ZCCHC2: variants seen among roughly 807,000 people sequenced by gnomAD.
ZCCHC2 encodes the protein zinc finger CCHC-type containing 2.
A neutral mutation model predicts 103.6 loss-of-function variants in ZCCHC2; 39 were observed. That is an observed-to-expected ratio of 0.38 (90% CI 0.29 to 0.49). The LOEUF (loss-of-function observed/expected upper bound fraction) is 0.49, where lower values mean the gene tolerates loss of function less well. ZCCHC2 is among the 20% of genes least tolerant of loss of function. The pLI is 0.96. For synonymous variants in ZCCHC2, 687 were observed against 608.9 expected, an observed-to-expected ratio of 1.13 and a Z score of -1.89; for missense variants, 1,483 against 1,491.0, an observed-to-expected ratio of 0.99 and a Z score of 0.09.
downstream of ZCCHC2, among the ~76,000 whole-genome samples, chr18:62,582,838 C>T (rs1172711737): frequency 6.6e-6 from 1 of 152,182 alleles, no homozygotes; most frequent in Non-Finnish European, 1.5e-5. Context: ...CAGTGGCTCA[C>T]ACCTGTAATC....
At chr18:62,578,662 A>G (rs902643319), downstream of ZCCHC2, 4 of 152,458 alleles carry the variant, frequency 2.6e-5, no homozygotes, top group African/African-American at 4.8e-5. Flanking sequence ...AGTTTTATTT[A>G]GGTATGTAAT....
chr18:62,558,655 A>G lies in ZCCHC2; in HGVS notation c.1409-32A>G, dbSNP rs752388365. On this transcript the variant is annotated intron_variant, in intron 6 of 13. Transcript: ENST00000269499. ...TTGTTTTCTTTATTTTAATTTTCCTAAAAAGTTAATAGTATTGAATGCTTC... is the reference window on the plus strand; with the variant it reads ...TTGTTTTCTTTATTTTAATTTTCCTGAAAAGTTAATAGTATTGAATGCTTC... 10 of 1,276,060 alleles carry G rather than the reference A, an allele frequency of 7.8e-6. No individual in the cohort carries two copies. In the East Asian group the frequency reaches 1.9e-4, roughly 24 times the overall value. 79.0% of individuals were successfully genotyped at this position (1,276,060 alleles called of 1,614,324 possible). A position where few individuals can be genotyped will look rare whatever the true frequency, so the allele number is the denominator to read the frequency against.
chr18:62,554,163 C>T (rs1249464540), intron 5 of ZCCHC2, among the ~76,000 whole-genome samples: 1 of 152,114 alleles, frequency 6.6e-6, no homozygotes, highest in Non-Finnish European at 1.5e-5. Flanking sequence ...GGCCTCAACA[C>T]CATTAATAGG....
intron 10 of ZCCHC2, 50 bp downstream of exon 10, chr18:62,564,685 G>A (rs1347495488): frequency 3.1e-5 from 41 of 1,329,378 alleles, no homozygotes; most frequent in Non-Finnish European, 3.9e-5. Flanking sequence ...TAATAGGCCT[G>A]TTTAGTTTAT....
Position 62,577,461 on chromosome 18 carries a change from G to A in ZCCHC2, c.*882G>A, listed in dbSNP as rs1302394944. The A allele has an allele frequency of 6.6e-6, 1 of 152,418 alleles. No homozygotes were observed. Among genetic ancestry groups the A allele is most frequent in the African/African-American group, 2.4e-5 (1 of 41,452 alleles). The allele number at this position is 152,418 out of a possible 1,614,324, so 9.4% of individuals were successfully genotyped here. The stretch of plus-strand genomic sequence containing the variant: ...GCCAATTTTACTTGTCTACCACCGT[G>A]TTGTGCTCAAAGAGACACTACTTGA... On this transcript the variant is annotated 3_prime_UTR_variant, in exon 14 of 14. Transcript: ENST00000269499.
chr18:62,558,721 A>G lies in ZCCHC2; in HGVS notation c.1443A>G (p.Ile481Met). 1 of 1,549,826 alleles carries G rather than the reference A, an allele frequency of 6.5e-7. No individual in the cohort carries two copies. Among genetic ancestry groups the G allele is most frequent in the African/African-American group, 1.4e-5 (1 of 73,106 alleles). The change falls in exon 7 of 14, where the codon ATA (isoleucine) becomes ATG (methionine). Residue 481 changes from isoleucine to methionine, a missense_variant. By Grantham distance (10) the Ile-to-Met change is conservative (BLOSUM62 1). This residue lies in a region of ZCCHC2 where 884 missense variants were observed against 907.5 expected (regional missense o/e 0.97). Transcript: ENST00000269499. ...NLQSSLKTSK[I>M]LEHLKEDSSE... ...AATCCTCTCTGAAGACTTCTAAGAT[A>G]TTAGAACACTTAAAAGAAGACAGCT...
intron 4 of ZCCHC2, among the ~76,000 whole-genome samples, 179 bp downstream of exon 4, chr18:62,545,052 A>G (rs1440396220): frequency 1.3e-5 from 2 of 152,202 alleles, no homozygotes; most frequent in Non-Finnish European, 2.9e-5. Flanking sequence ...CTTACCTGAC[A>G]TTACCAACAT....
Position 62,523,376 on chromosome 18 carries a change from G to GGGGGGGGGGGCGCC in ZCCHC2, c.-49_-48insGGGGGGGGGGCGCC. The GGGGGGGGGGGCGCC allele has an allele frequency of 9.9e-7, 1 of 1,012,356 alleles. No individual in the cohort carries two copies. The highest frequency in any genetic ancestry group is 1.2e-6 in the Non-Finnish European group (1 of 848,992). The allele number at this position is 1,012,356 out of a possible 1,614,324, so 62.7% of individuals were successfully genotyped here. A position where few individuals can be genotyped will look rare whatever the true frequency, so the allele number is the denominator to read the frequency against. On this transcript the variant is annotated 5_prime_UTR_variant, in exon 1 of 14. Coordinates refer to ENST00000269499, the MANE Select transcript of ZCCHC2 (RefSeq NM_017742.6). Reference sequence around the variant, plus strand: ...GCCTCGGCCCGTGCTCCACCTCGCGGCCCCTCCCGCCCGCCCCCGCTCGCA... The same window carrying GGGGGGGGGGGCGCC: ...GCCTCGGCCCGTGCTCCACCTCGCGGGGGGGGGGGGCGCCCCCCTCCCGCCCGCCCCCGCTCGCA...
intron 2 of ZCCHC2, among the ~76,000 whole-genome samples, chr18:62,541,051 T>G (rs1049006090): frequency 1.3e-5 from 2 of 152,222 alleles, no homozygotes; most frequent in Non-Finnish European, 2.9e-5. Flanking sequence ...TAGAGCTGCT[T>G]TATTTCTGAA....
At chr18:62,579,266 T>C (rs1448478345), downstream of ZCCHC2, among the ~76,000 whole-genome samples, 1 of 152,240 alleles carries the variant, frequency 6.6e-6, no homozygotes, top group African/African-American at 2.4e-5. Flanking sequence ...TTATCAACTT[T>C]GTTAGTGTGA....
At chr18:62,582,534 C>T (rs1460528880), downstream of ZCCHC2, among the ~76,000 whole-genome samples, 1 of 152,084 alleles carries the variant, frequency 6.6e-6, no homozygotes, top group Non-Finnish European at 1.5e-5. Flanking sequence ...AAAAACTTAG[C>T]CGGGCATGGT....
chr18:62,526,830 C>T (rs1914430266), intron 1 of ZCCHC2: 1 of 151,864 alleles, frequency 6.6e-6, no homozygotes, highest in East Asian at 2.0e-4. Context: ...CGCGCGCCTC[C>T]CACGTGACCG....
intron 1 of ZCCHC2, among the ~76,000 whole-genome samples, chr18:62,538,007 ATTT>A (rs977085648): frequency 6.6e-6 from 1 of 151,892 alleles, no homozygotes; most frequent in Non-Finnish European, 1.5e-5. Context: ...TAATGAAAAC[ATTT>A]TTTTCATATT....
chr18:62,539,758 A>G lies in ZCCHC2; in HGVS notation c.1017A>G (p.Gly339=), dbSNP rs1418758827. 9 of 1,608,548 alleles carry G rather than the reference A, an allele frequency of 5.6e-6. No individual in the cohort carries two copies. The highest frequency in any genetic ancestry group is 6.8e-6 in the Non-Finnish European group (8 of 1,177,448). The change falls in exon 2 of 14, where the codon GGA becomes GGG. Residue 339 remains glycine, a synonymous_variant. Coordinates refer to ENST00000269499, the MANE Select transcript of ZCCHC2 (RefSeq NM_017742.6). ...AGCAAGCTCCAATACCTCAGGACGG[A>G]CTTACCGTGGCACCTCACAGAGCTC... is the stretch of plus-strand genomic sequence containing the variant. The part of the protein sequence containing the change: ...LIEQAPIPQD[G]LTVAPHRAQR...
chr18:62,523,683 G>A lies in ZCCHC2; in HGVS notation c.259G>A (p.Gly87Arg), dbSNP rs1914179879. ...AGAGMPGGGG[G>R]PSAALREQER... ...GGCGGGTATGCCGGGCGGCGGCGGG[G>A]GGCCCTCGGCGGCGCTGCGCGAGCA... The change falls in exon 1 of 14, where the codon GGG becomes AGG. Residue 87 changes from glycine (G) to arginine (R), a missense_variant. Gly to Arg is a moderately radical substitution (Grantham distance 125). Transcript: ENST00000269499. The A allele has an allele frequency of 1.4e-6, 2 of 1,382,216 alleles. No individual in the cohort carries two copies. The highest frequency in any genetic ancestry group is 6.3e-5 in the Admixed American group (2 of 31,980). The allele number at this position is 1,382,216 out of a possible 1,614,324, so 85.6% of individuals were successfully genotyped here. A position where few individuals can be genotyped will look rare whatever the true frequency, so the allele number is the denominator to read the frequency against.
At position 62,575,096 on chromosome 18, in the gene ZCCHC2, G is replaced by C. The variant is rs764811564; in HGVS notation, c.3015G>C (p.Gln1005His). The C allele has an allele frequency of 1.2e-6, 2 of 1,614,020 alleles. No individual in the cohort carries two copies. Among genetic ancestry groups the C allele is most frequent in the South Asian group, 2.2e-5 (2 of 91,080 alleles). The change falls in exon 13 of 14, where the codon CAG becomes CAC. Residue 1005 changes from glutamine to histidine, a missense_variant. This residue lies in a region of ZCCHC2 where 884 missense variants were observed against 907.5 expected (regional missense o/e 0.97). Coordinates refer to ENST00000269499, the MANE Select transcript of ZCCHC2 (RefSeq NM_017742.6). ...TNANGTVVPP[Q>H]QMGSGPCGSC... ...CTAATGGGACAGTAGTGCCACCGCA[G>C]CAGATGGGCTCAGGTCCTTGTGGTT...
rs1257879824 is a variant in ZCCHC2 at position 62,524,043 on chromosome 18, G to A, written c.619G>A (p.Ala207Thr). The A allele has an allele frequency of 1.4e-6, 2 of 1,463,744 alleles. No individual in the cohort carries two copies. The highest frequency in any genetic ancestry group is 2.8e-5 in the Admixed American group (1 of 36,304). 90.7% of individuals were successfully genotyped at this position (1,463,744 alleles called of 1,614,324 possible). Residue 207 changes from alanine to threonine, a missense_variant, in exon 1 of 14, where the codon GCG becomes ACG. Coordinates refer to ENST00000269499, the MANE Select transcript of ZCCHC2 (RefSeq NM_017742.6). ...GGACTCGGTGCTCAAAAGCCTGCGC[G>A]CGGCCCGGGGCGAGGGCTCGCGGGG... Reference protein sequence around the residue: ...QVDSVLKSLRAARGEGSRGGA... With the variant: ...QVDSVLKSLRTARGEGSRGGA...
intron 8 of ZCCHC2, 151 bp from the exon 9 acceptor site, chr18:62,562,858 A>G: frequency 1.3e-6 from 1 of 788,856 alleles, no homozygotes; most frequent in Non-Finnish European, 2.0e-6. Context: ...TTTATTTCTC[A>G]TAGTATACTT....
intron 6 of ZCCHC2, 76 bp from the exon 7 acceptor site, chr18:62,558,610 TA>T (rs935725665): frequency 1.1e-6 from 1 of 895,368 alleles, no homozygotes; most frequent in Non-Finnish European, 1.6e-6. Flanking sequence ...TTTCCTTAGG[TA>T]AAAAAACAAT....
Sources: gnomAD v4.1 joint callset for allele counts (sites outside exome capture counted in the v4.1 genomes callset) on GRCh38, gnomAD v4.1.1 for gene constraint, gnomAD v4.1.1 regional missense constraint, MANE v1.5 for transcripts, NCBI Gene and HGNC (gene_info 2026-07-23, HGNC 2026-07-21) for gene names.